Variants in UBE2E1 observed in about 807,000 individuals in gnomAD.
The protein encoded by UBE2E1 is ubiquitin-conjugating enzyme E2 E1.
Under a neutral mutation model 21.4 loss-of-function variants are expected in UBE2E1, and 6 were observed. That is an observed-to-expected ratio of 0.28 (90% CI 0.15 to 0.55). The LOEUF (loss-of-function observed/expected upper bound fraction) is 0.55, where lower values mean the gene tolerates loss of function less well. UBE2E1 is among the 20% of genes least tolerant of loss of function. The pLI is 0.93. For synonymous variants in UBE2E1, 87 were observed against 82.7 expected (o/e 1.05, Z -0.28); for missense variants, 142 against 236.5 (o/e 0.60, Z 2.62).
chr3:23,874,118 G>T (rs908812995), intron 3 of UBE2E1, among the ~76,000 whole-genome samples: 1 of 152,234 alleles, frequency 6.6e-6, no homozygotes, highest in Non-Finnish European at 1.5e-5. Flanking sequence ...AGCAGTTGCA[G>T]TGTGGAAGCT....
chr3:23,847,296 A>C (rs919427712), intron 3 of UBE2E1, among the ~76,000 whole-genome samples: 1 of 152,128 alleles, frequency 6.6e-6, no homozygotes, highest in Non-Finnish European at 1.5e-5. Flanking sequence ...TGAAAAGAAG[A>C]CATCCATTAA....
chr3:23,828,375 A>G (rs1181055872), intron 3 of UBE2E1, among the ~76,000 whole-genome samples: 1 of 152,236 alleles, frequency 6.6e-6, no homozygotes, highest in Non-Finnish European at 1.5e-5. Flanking sequence ...TAAATGTAAT[A>G]TAACATTTTA....
intron 3 of UBE2E1, among the ~76,000 whole-genome samples, chr3:23,850,823 G>A (rs562606456): frequency 2.3e-5 from 3 of 132,888 alleles, no homozygotes; most frequent in South Asian, 5.1e-4. Flanking sequence ...ACAGATGTGC[G>A]CCACCACACC....
At chr3:23,879,131 G>C in intron 3 of UBE2E1, 1 of 575,574 alleles carries the variant, frequency 1.7e-6, no homozygotes, top group South Asian at 1.5e-5. Context: ...GGGACTGCTT[G>C]GTTTTCTATA....
intron 3 of UBE2E1, among the ~76,000 whole-genome samples, chr3:23,837,071 C>T (rs1235537211): frequency 6.6e-6 from 1 of 152,106 alleles, no homozygotes; most frequent in Non-Finnish European, 1.5e-5. Flanking sequence ...GAACATAAAT[C>T]TCTACTCTGT....
intron 3 of UBE2E1, among the ~76,000 whole-genome samples, chr3:23,886,931 T>C (rs1260937796): frequency 2.0e-5 from 3 of 152,260 alleles, no homozygotes; most frequent in African/African-American, 7.2e-5. Context: ...CAGTGATTTA[T>C]GATAACAGCT....
At chr3:23,888,556 G>A (rs748703408) in intron 4 of UBE2E1, among the ~76,000 whole-genome samples, 3 of 152,114 alleles carry the variant, frequency 2.0e-5, no homozygotes, top group Non-Finnish European at 4.4e-5. Flanking sequence ...ATGGACACTC[G>A]ATTATATAAT....
intron 3 of UBE2E1, among the ~76,000 whole-genome samples, chr3:23,849,123 A>T (rs778193310): frequency 6.6e-6 from 1 of 152,092 alleles, no homozygotes; most frequent in African/African-American, 2.4e-5. Context: ...TTATTTTTTT[A>T]GGAACCTGGG....
At chr3:23,859,484 A>G (rs1377159995) in intron 3 of UBE2E1, among the ~76,000 whole-genome samples, 1 of 152,290 alleles carries the variant, frequency 6.6e-6, no homozygotes, top group East Asian at 1.9e-4. Context: ...TCTGCTTACC[A>G]GTGTCTGCTT....
At chr3:23,843,879 C>G (rs1380394598) in intron 3 of UBE2E1, among the ~76,000 whole-genome samples, 1 of 152,174 alleles carries the variant, frequency 6.6e-6, no homozygotes, top group African/African-American at 2.4e-5. Flanking sequence ...AATGCTTTTC[C>G]TGTGTTTTTA....
chr3:23,827,835 T>G (rs1177933172), intron 3 of UBE2E1, among the ~76,000 whole-genome samples: 1 of 152,214 alleles, frequency 6.6e-6, no homozygotes, highest in Non-Finnish European at 1.5e-5. Flanking sequence ...TAACTGCCCT[T>G]AGAATTAAGT....
At chr3:23,872,817 G>C (rs548273526) in intron 3 of UBE2E1, among the ~76,000 whole-genome samples, 34 of 152,312 alleles carry the variant, frequency 2.2e-4, no homozygotes, top group African/African-American at 7.5e-4. Flanking sequence ...AGGAGATCGA[G>C]ACCATCCTGG....
chr3:23,817,496 A>G (rs757855218), intron 3 of UBE2E1, among the ~76,000 whole-genome samples: 6 of 152,136 alleles, frequency 3.9e-5, no homozygotes, highest in Non-Finnish European at 8.8e-5. Context: ...AGATGTTAAG[A>G]CATGCACACA....
At chr3:23,840,264 GTCATT>G (rs1700057343) in intron 3 of UBE2E1, among the ~76,000 whole-genome samples, 1 of 152,130 alleles carries the variant, frequency 6.6e-6, no homozygotes. Flanking sequence ...CATTATCTGG[GTCATT>G]TCTGGATCAG....
At position 23,810,826 on chromosome 3, in the gene UBE2E1, G is replaced by T; in HGVS notation, c.153-634G>T. The T allele has an allele frequency of 5.4e-6, 1 of 183,542 alleles. No individual in the cohort carries two copies. The allele number at this position is 183,542 out of a possible 1,614,324, so 11.4% of individuals were successfully genotyped here. A position where few individuals can be genotyped will look rare whatever the true frequency, so the allele number is the denominator to read the frequency against. On this transcript the variant is annotated intron_variant, in intron 2 of 5. Transcript: ENST00000306627. This position sits in a 1 kb window ranked among gnomAD's most constrained non-coding sequence, Gnocchi z 5.8. Reference sequence around the variant, plus strand: ...GCGCGGGGTGGGGGCGGCGTGGCCGGGCGGTGGCAGCCCACCGCTGGGGAG... The same window carrying T: ...GCGCGGGGTGGGGGCGGCGTGGCCGTGCGGTGGCAGCCCACCGCTGGGGAG...
chr3:23,827,658 T>C (rs1221357177), intron 3 of UBE2E1, among the ~76,000 whole-genome samples: 1 of 152,162 alleles, frequency 6.6e-6, no homozygotes. Context: ...TTCTTTTGAG[T>C]TGTTGATGTT....
intron 3 of UBE2E1, among the ~76,000 whole-genome samples, chr3:23,844,782 T>C (rs1700162714): frequency 6.6e-6 from 1 of 152,168 alleles, no homozygotes; most frequent in African/African-American, 2.4e-5. Flanking sequence ...TCTTAGGTGT[T>C]ATGCGTGGGA....
At chr3:23,809,707 T>C (rs1042343031) in intron 2 of UBE2E1, among the ~76,000 whole-genome samples, 1 of 152,212 alleles carries the variant, frequency 6.6e-6, no homozygotes, top group Non-Finnish European at 1.5e-5. Context: ...CAAGGAGGAC[T>C]GAAGTCAATA....
intron 3 of UBE2E1, among the ~76,000 whole-genome samples, chr3:23,834,092 G>A (rs1224540457): frequency 6.6e-6 from 1 of 152,182 alleles, no homozygotes; most frequent in Non-Finnish European, 1.5e-5. Context: ...AACTTCAAGA[G>A]GTTAACTCTT....
Sources: gnomAD v4.1 joint callset for allele counts (sites outside exome capture counted in the v4.1 genomes callset) on GRCh38, gnomAD v4.1.1 for gene constraint, Gnocchi (gnomAD v3.1) non-coding constraint, MANE v1.5 for transcripts, NCBI Gene and HGNC (gene_info 2026-07-23, HGNC 2026-07-21) for gene names.